The following EMSY variants were observed in gnomAD, a reference collection of about 807,000 sequenced individuals.
The protein encoded by EMSY is EMSY transcriptional repressor, BRCA2 interacting.
In EMSY, 26 loss-of-function variants were observed where a neutral mutation model predicts 134.6. The ratio of observed to expected loss-of-function variants is 0.19; its 90% CI spans 0.14 to 0.27. The LOEUF (loss-of-function observed/expected upper bound fraction) is 0.27. EMSY is among the 10% of genes least tolerant of loss of function. The pLI, the probability that EMSY is intolerant of heterozygous loss-of-function variation, is 1.00. For synonymous variants in EMSY, 579 were observed against 577.8 expected (o/e 1.00, Z -0.03); for missense variants, 1,305 against 1,611.4 (o/e 0.81, Z 3.26).
chr11:76,511,209 CT>C (rs1485054456), intron 9 of EMSY, among the ~76,000 whole-genome samples: 1 of 152,138 alleles, frequency 6.6e-6, no homozygotes, highest in Non-Finnish European at 1.5e-5. Context: ...AAATTTTTAT[CT>C]GTGGAAATTT....
chr11:76,490,054 A>G (rs1252991057), intron 8 of EMSY, among the ~76,000 whole-genome samples: 1 of 152,134 alleles, frequency 6.6e-6, no homozygotes, highest in Non-Finnish European at 1.5e-5. Context: ...GTCCATTTAC[A>G]TTTAATATTA....
chr11:76,542,235 C>A lies in EMSY; in HGVS notation c.2577C>A (p.Pro859=), dbSNP rs537717659. Reference sequence around the variant, plus strand: ...TTTCAGTCAGCCATCGCTCCCAGCCCCAACAGCCTTCCCAGCCCCAGCGGA... The same window carrying A: ...TTTCAGTCAGCCATCGCTCCCAGCCACAACAGCCTTCCCAGCCCCAGCGGA... The change falls in exon 18 of 21, where the codon CCC becomes CCA. Residue 859 remains proline, a synonymous_variant. Coordinates refer to ENST00000334736, the Ensembl canonical transcript of EMSY. 1.4e-5 allele frequency: 23 copies of A among 1,614,178 alleles called. No individual in the cohort carries two copies. In the East Asian group the frequency reaches 4.5e-4, roughly 31 times the overall value.
At chr11:76,534,023 A>G (rs1483065700) in intron 14 of EMSY, among the ~76,000 whole-genome samples, 1 of 152,186 alleles carries the variant, frequency 6.6e-6, no homozygotes, top group Non-Finnish European at 1.5e-5. Context: ...CTTTCTGAGT[A>G]TAGACAGAAA....
At chr11:76,544,092 G>A (rs1250136493) in intron 18 of EMSY, among the ~76,000 whole-genome samples, 167 bp from the exon 20 acceptor site, 1 of 152,172 alleles carries the variant, frequency 6.6e-6, no homozygotes, top group Non-Finnish European at 1.5e-5. Flanking sequence ...ACGTCTGAGA[G>A]TTGAAATTGC....
At chr11:76,454,657 T>C in intron 4 of EMSY, 92 bp from the exon 5 acceptor site, 1 of 781,008 alleles carries the variant, frequency 1.3e-6, no homozygotes, top group South Asian at 1.9e-5. Context: ...TGGAAAGGTA[T>C]TGTGGGGCAA....
intron 11 of EMSY, among the ~76,000 whole-genome samples, chr11:76,518,609 G>A (rs970564491): frequency 2.0e-5 from 3 of 149,924 alleles, no homozygotes; most frequent in Non-Finnish European, 3.0e-5. Context: ...ACTATCCATA[G>A]GACTGTGTTA....
exon 19 of EMSY, chr11:76,544,773 A>G (rs751352651): frequency 6.2e-7 from 1 of 1,614,136 alleles, no homozygotes. Flanking sequence ...CAAACCCCCC[A>G]GAGCCAAATG....
chr11:76,528,138 CTG>C (rs2136365694), intron 13 of EMSY, 128 bp from the exon 15 acceptor site: 1 of 753,298 alleles, frequency 1.3e-6, no homozygotes, highest in African/African-American at 1.8e-5. Flanking sequence ...ATGAGCAATG[CTG>C]TGCCTAAAAA....
intron 8 of EMSY, among the ~76,000 whole-genome samples, chr11:76,494,185 G>C (rs972109729): frequency 6.6e-6 from 1 of 152,342 alleles, no homozygotes; most frequent in Admixed American, 6.5e-5. Context: ...TGTGGGATCC[G>C]GGCCGGTAGC....
downstream of EMSY, chr11:76,552,153 C>T (rs1951851562): frequency 6.6e-6 from 1 of 152,096 alleles, no homozygotes; most frequent in Admixed American, 6.6e-5. Flanking sequence ...CCAAATAGAG[C>T]ATGCATTCAT....
intron 8 of EMSY, 121 bp from the exon 10 acceptor site, chr11:76,496,094 A>G: frequency 9.2e-7 from 1 of 1,086,202 alleles, no homozygotes; most frequent in African/African-American, 1.6e-5. Context: ...CTAGGTGCTC[A>G]ATAAATTGTA....
chr11:76,513,090 A>G (rs1395911664), intron 9 of EMSY, among the ~76,000 whole-genome samples: 1 of 152,206 alleles, frequency 6.6e-6, no homozygotes, highest in African/African-American at 2.4e-5. Context: ...CTGTAAAGTC[A>G]AGTCCAGTGG....
At chr11:76,503,089 T>C (rs1949937700) in intron 9 of EMSY, among the ~76,000 whole-genome samples, 1 of 151,616 alleles carries the variant, frequency 6.6e-6, no homozygotes, top group Non-Finnish European at 1.5e-5. Context: ...CCACCTGAGG[T>C]CAGGATTTCG....
At chr11:76,531,647 T>C (rs2136438029) in intron 14 of EMSY, among the ~76,000 whole-genome samples, 1 of 152,288 alleles carries the variant, frequency 6.6e-6, no homozygotes, top group African/African-American at 2.4e-5. Context: ...TTAACATGTT[T>C]CCCTTTCAGA....
chr11:76,510,604 T>C (rs1950240295), intron 9 of EMSY, among the ~76,000 whole-genome samples: 2 of 152,182 alleles, frequency 1.3e-5, no homozygotes, highest in Non-Finnish European at 2.9e-5. Context: ...GGGCAAGGGC[T>C]ATCAGTACTT....
chr11:76,544,655 A>G (rs761236431), exon 19 of EMSY: 3 of 1,614,002 alleles, frequency 1.9e-6, no homozygotes, highest in Non-Finnish European at 2.5e-6. Flanking sequence ...TCCTACCTTA[A>G]TGGCACAGCC....
chr11:76,511,227 T>G (rs1664436395), intron 9 of EMSY, among the ~76,000 whole-genome samples: 1 of 152,196 alleles, frequency 6.6e-6, no homozygotes, highest in African/African-American at 2.4e-5. Flanking sequence ...ATTTGTCTAT[T>G]TACATTTTTT....
downstream of EMSY, chr11:76,552,234 A>G (rs1951853369): frequency 6.6e-6 from 1 of 152,200 alleles, no homozygotes; most frequent in Non-Finnish European, 1.5e-5. Flanking sequence ...TGGGGATACC[A>G]TAGTGAACAA....
At chr11:76,532,537 A>G (rs535165153) in intron 14 of EMSY, among the ~76,000 whole-genome samples, 2 of 152,152 alleles carry the variant, frequency 1.3e-5, no homozygotes, top group East Asian at 1.9e-4. Context: ...TTTTCTTCCT[A>G]AATGGGCTTT....
Sources: allele counts gnomAD v4.1 joint callset (sites outside exome capture counted in the v4.1 genomes callset), GRCh38; gene constraint gnomAD v4.1.1; transcripts MANE v1.5; gene names NCBI Gene and HGNC (gene_info 2026-07-23, HGNC 2026-07-21).